USP44: variants seen among roughly 807,000 people sequenced by gnomAD.
The protein encoded by USP44 is ubiquitin specific peptidase 44.
In USP44, 61 loss-of-function variants were observed where a neutral mutation model predicts 69.0. The observed-to-expected ratio is 0.88, with a 90% CI of 0.72 to 1.09. The LOEUF (loss-of-function observed/expected upper bound fraction) is 1.09, where lower values mean the gene tolerates loss of function less well. Among genes scored for constraint, USP44 ranks in the 50% least tolerant of loss-of-function variants. The probability of loss-of-function intolerance (pLI) is 0.00; values close to 1 mark genes in which losing one functional copy is unlikely to be tolerated. For synonymous variants in USP44, 297 were observed against 295.4 expected, an observed-to-expected ratio of 1.01 and a Z score of -0.06; for missense variants, 753 against 849.9, an observed-to-expected ratio of 0.89 and a Z score of 1.42.
At chr12:95,520,383 T>C (rs2076620989) in intron 5 of USP44, among the ~76,000 whole-genome samples, 1 of 140,302 alleles carries the variant, frequency 7.1e-6, no homozygotes, top group Non-Finnish European at 1.5e-5. Context: ...TCCCAACTAC[T>C]TGGGAGGCTG....
At chr12:95,543,406 C>CAAAAAAAAAAAAAAAAAAAAA (rs60127958) in intron 1 of USP44, among the ~76,000 whole-genome samples, 1 of 43,170 alleles carries the variant, frequency 2.3e-5, no homozygotes, top group Non-Finnish European at 4.7e-5. Context: ...GACTCTTTCT[C>CAAAAAAAAAAAAAAAAAAAAA]AAAAAAAAAA....
At chr12:95,543,759 G>A (rs2077471841) in intron 1 of USP44, among the ~76,000 whole-genome samples, 1 of 151,718 alleles carries the variant, frequency 6.6e-6, no homozygotes, top group Non-Finnish European at 1.5e-5. Context: ...GAGGTCAGGG[G>A]ATTGAGACCA....
intron 1 of USP44, chr12:95,546,594 C>G (rs1052076332): frequency 6.6e-6 from 1 of 152,308 alleles, no homozygotes; most frequent in African/African-American, 2.4e-5. Flanking sequence ...CTCCTGAGCC[C>G]GTGCCCCAGC....
At position 95,532,997 on chromosome 12, in the gene USP44, G is replaced by GGCGTAACCACGAAAGGCAGGAATGAGTC; in HGVS notation, c.1232_1259dup (p.Gln421ThrfsTer19). 6.2e-7 allele frequency: 1 copy of GGCGTAACCACGAAAGGCAGGAATGAGTC among 1,614,100 alleles called. No homozygotes were observed. Among genetic ancestry groups the GGCGTAACCACGAAAGGCAGGAATGAGTC allele is most frequent in the Non-Finnish European group, 8.5e-7 (1 of 1,180,022 alleles). ...AAAGAAATTCCTGAGCGTCTTGTTGGGCGTAACCACGAAAGGCAGGAATGA... is the reference window on the plus strand; with the variant it reads ...AAAGAAATTCCTGAGCGTCTTGTTGGGCGTAACCACGAAAGGCAGGAATGAGTCGCGTAACCACGAAAGGCAGGAATGA... On this transcript the variant is annotated frameshift_variant, in exon 2 of 6. Transcript: ENST00000258499. LOFTEE classifies it high-confidence loss of function.
chr12:95,541,840 T>C (rs1190377370), intron 1 of USP44, among the ~76,000 whole-genome samples: 3 of 150,268 alleles, frequency 2.0e-5, no homozygotes, highest in Admixed American at 1.3e-4. Flanking sequence ...AACTCCTTCA[T>C]AAAATCTTTT....
intron 1 of USP44, among the ~76,000 whole-genome samples, chr12:95,538,941 C>A (rs940790899): frequency 4.6e-5 from 7 of 152,244 alleles, no homozygotes; most frequent in African/African-American, 1.4e-4. Flanking sequence ...CTGGCGTCAG[C>A]AGATTGGATG....
At chr12:95,535,606 C>T (rs2077173786) in intron 1 of USP44, among the ~76,000 whole-genome samples, 2 of 152,092 alleles carry the variant, frequency 1.3e-5, no homozygotes, top group African/African-American at 4.8e-5. Flanking sequence ...TTTAAAAAAG[C>T]TTATGTGATT....
chr12:95,545,864 G>A (rs1342596210), intron 1 of USP44, among the ~76,000 whole-genome samples: 1 of 152,072 alleles, frequency 6.6e-6, no homozygotes, highest in Non-Finnish European at 1.5e-5. Context: ...CCCTAGAAAG[G>A]CCCTGGTTAT....
intron 1 of USP44, among the ~76,000 whole-genome samples, chr12:95,550,933 G>A (rs950332122): frequency 5.9e-5 from 9 of 152,164 alleles, no homozygotes; most frequent in Non-Finnish European, 1.0e-4. Context: ...CTCATTACTA[G>A]TGTTAGTAAT....
intron 1 of USP44, among the ~76,000 whole-genome samples, chr12:95,536,818 TC>T (rs1197152576): frequency 6.6e-6 from 1 of 152,146 alleles, no homozygotes; most frequent in Non-Finnish European, 1.5e-5. Context: ...GCTGTGACCC[TC>T]CTCTATTAAT....
intron 3 of USP44, among the ~76,000 whole-genome samples, chr12:95,525,335 G>T (rs2140241364): frequency 6.6e-6 from 1 of 152,340 alleles, no homozygotes; most frequent in Middle Eastern, 3.4e-3. Flanking sequence ...CTCCTAAAGT[G>T]CTGGGATTAC....
At chr12:95,530,486 C>G (rs776339697) in intron 2 of USP44, among the ~76,000 whole-genome samples, 2 of 151,880 alleles carry the variant, frequency 1.3e-5, no homozygotes, top group African/African-American at 4.8e-5. Context: ...AAAGGAAAAG[C>G]CATTACAGCA....
chr12:95,531,158 T>C (rs7312336), intron 2 of USP44, among the ~76,000 whole-genome samples: 19,191 of 151,728 alleles, frequency 0.13, 1,407 homozygotes, highest in African/African-American at 0.19. Context: ...AGTGAGACTC[T>C]GTCTCAAAAA....
At chr12:95,532,562 G>A (rs562526330) in intron 2 of USP44, among the ~76,000 whole-genome samples, 2 of 152,144 alleles carry the variant, frequency 1.3e-5, no homozygotes, top group African/African-American at 4.8e-5. Flanking sequence ...GATAATGAAT[G>A]TAATATTGGT....
Position 95,518,248 on chromosome 12 carries a change from T to C in USP44, c.2045A>G (p.Asn682Ser). The change falls in exon 6 of 6, where the codon AAT becomes AGT. Residue 682 changes from asparagine (N) to serine (S), a missense_variant. By Grantham distance (46) the Asn-to-Ser change is conservative. Transcript: ENST00000258499. ...TGGAGGCAAAAGTTTAGAATGTCCATTCTCAGTAACTCGTTGGGTATAAAA... is the reference window on the plus strand; with the variant it reads ...TGGAGGCAAAAGTTTAGAATGTCCACTCTCAGTAACTCGTTGGGTATAAAA... ...ILFYTQRVTE[N>S]GHSKLLPPEL... 6.2e-7 allele frequency: 1 copy of C among 1,614,176 alleles called. No individual in the cohort carries two copies. The highest frequency in any genetic ancestry group is 1.1e-5 in the South Asian group (1 of 91,082).
At position 95,517,952 on chromosome 12, in the gene USP44, T is replaced by A; in HGVS notation, c.*202A>T. Reference sequence around the variant, plus strand: ...ATCAGTCTGAGGTAAACACCAAAAGTTTAAAACTCCAAATATGAAAAAAGT... The same window carrying A: ...ATCAGTCTGAGGTAAACACCAAAAGATTAAAACTCCAAATATGAAAAAAGT... On this transcript the variant is annotated 3_prime_UTR_variant, in exon 6 of 6. Coordinates refer to ENST00000258499, the MANE Select transcript of USP44 (RefSeq NM_032147.5). 1 of 482,504 alleles carries A rather than the reference T, an allele frequency of 2.1e-6. No individual in the cohort carries two copies. The highest frequency in any genetic ancestry group is 3.5e-6 in the Non-Finnish European group (1 of 283,220). The allele number at this position is 482,504 out of a possible 1,614,324, so 29.9% of individuals were successfully genotyped here.
chr12:95,517,820 A>G lies in USP44; in HGVS notation c.*334T>C, dbSNP rs553481479. 39 of 187,028 alleles carry G rather than the reference A, an allele frequency of 2.1e-4. No individual in the cohort carries two copies. The highest frequency in any genetic ancestry group is 2.6e-3 in the Middle Eastern group (1 of 386). 11.6% of individuals were successfully genotyped at this position (187,028 alleles called of 1,614,324 possible). A position where few individuals can be genotyped will look rare whatever the true frequency, so the allele number is the denominator to read the frequency against. The stretch of plus-strand genomic sequence containing the variant: ...TAAGAATTTGTATAGAAAATACCTG[A>G]AAAAGATACATGTATATAAAATGAT... On this transcript the variant is annotated 3_prime_UTR_variant, in exon 6 of 6. Transcript: ENST00000258499.
rs1465010025 is a variant in USP44, at chr12:95,533,191, G to A, written c.1066C>T (p.Leu356=). The A allele has an allele frequency of 1.9e-6, 3 of 1,614,108 alleles. No homozygotes were observed. The highest frequency in any genetic ancestry group is 2.5e-6 in the Non-Finnish European group (3 of 1,180,026). The change falls in exon 2 of 6, where the codon CTA becomes TTA. Residue 356 remains leucine (L), a synonymous_variant. Transcript: ENST00000258499. The stretch of plus-strand genomic sequence containing the variant: ...CTACCTTTTGATGCTCCACCACTTA[G>A]TCCTGATGACAGACTTGATTGTCTG... ...CSRQSSLSSG[L]SGGASKGRKM...
Position 95,534,145 on chromosome 12 carries a change from T to C in USP44, c.112A>G (p.Ile38Val). 1.2e-6 allele frequency: 2 copies of C among 1,614,164 alleles called. No homozygotes were observed. Among genetic ancestry groups the C allele is most frequent in the Non-Finnish European group, 1.7e-6 (2 of 1,180,014 alleles). Residue 38 changes from isoleucine to valine, a missense_variant, in exon 2 of 6, where the codon ATT becomes GTT. By Grantham distance (29) the Ile-to-Val change is conservative (BLOSUM62 3). Coordinates refer to ENST00000258499, the MANE Select transcript of USP44 (RefSeq NM_032147.5). ...TGGGAGCAGCTAAGGCAAGCCCAAA[T>C]GGACTCGGTCGTGTTGCAGTCCACA... Reference protein sequence around the residue: ...HCVDCNTTESIWACLSCSHVA... With the variant: ...HCVDCNTTESVWACLSCSHVA...
Sources: allele counts gnomAD v4.1 joint callset (sites outside exome capture counted in the v4.1 genomes callset), GRCh38; gene constraint gnomAD v4.1.1; transcripts MANE v1.5; gene names NCBI Gene and HGNC (gene_info 2026-07-23, HGNC 2026-07-21).